The following NRXN3 variants were observed in gnomAD, a reference collection of about 807,000 sequenced individuals.
NRXN3 encodes the protein neurexin III.
Under a neutral mutation model 137.6 loss-of-function variants are expected in NRXN3, and 32 were observed. The observed-to-expected ratio is 0.23, with a 90% CI of 0.18 to 0.31. NRXN3 has a LOEUF of 0.31. Among genes scored for constraint, NRXN3 ranks in the 10% least tolerant of loss-of-function variants. NRXN3 has a pLI of 1.00. For missense variants in NRXN3, 1,574 were observed against 2,062.5 expected, an observed-to-expected ratio of 0.76 and a Z score of 4.59; for synonymous variants, 798 against 784.5, an observed-to-expected ratio of 1.02 and a Z score of -0.29.
chr14:79,183,653 T>C (rs2063192008), intron 15 of NRXN3, among the ~76,000 whole-genome samples: 1 of 152,230 alleles, frequency 6.6e-6, no homozygotes, highest in Non-Finnish European at 1.5e-5. Flanking sequence ...TAATCACAAC[T>C]CTTCTGTTTC....
rs2099418592 is a variant in NRXN3, at chr14:79,867,712, G to A, written c.*5748G>A. ...AAGGTTGAAGTTCCAAAGTATCAAG[G>A]GAATCAGAATTGGGAAGCAATTCTA... On this transcript the variant is annotated 3_prime_UTR_variant, in exon 21 of 21. Coordinates refer to ENST00000335750, the MANE Select transcript of NRXN3 (RefSeq NM_001330195.2). 1 of 152,068 alleles carries A rather than the reference G, an allele frequency of 6.6e-6. No homozygotes were observed. The highest frequency in any genetic ancestry group is 6.6e-5 in the Admixed American group (1 of 15,252). 9.4% of individuals were successfully genotyped at this position (152,068 alleles called of 1,614,324 possible). A position where few individuals can be genotyped will look rare whatever the true frequency, so the allele number is the denominator to read the frequency against.
rs2097652769 is a variant in NRXN3, at chr14:79,575,173, A to G, written c.3445-88605A>G. On this transcript the variant is annotated intron_variant, in intron 16 of 20. Coordinates refer to ENST00000335750, the MANE Select transcript of NRXN3 (RefSeq NM_001330195.2). ...TTAGTATAGGCGGAAAACACCATCA[A>G]TCATAGTCATCACAAAGCAATTAAG... Among the ~76,000 whole-genome samples, 3 of 152,138 alleles carry G rather than the reference A, an allele frequency of 2.0e-5. No homozygotes were observed. In the South Asian group the frequency reaches 6.2e-4, roughly 32 times the overall value.
rs548933839 is a variant in NRXN3 at position 78,222,445 on chromosome 14, C to T, written c.-703-19946C>T. On this transcript the variant is annotated intron_variant, in intron 1 of 20. Transcript: ENST00000335750. ...GTGTTGTAAAGACCAGCCGCCACAT[C>T]GCCTTGAATGAGGCTTTGGGTGCTT... Among the ~76,000 whole-genome samples the T allele has an allele frequency of 9.2e-5, 14 of 152,340 alleles. No individual in the cohort carries two copies. In the East Asian group the frequency reaches 1.7e-3, roughly 19 times the overall value.
At chr14:78,598,466 C>G (rs929710300) in intron 4 of NRXN3, among the ~76,000 whole-genome samples, 2 of 152,140 alleles carry the variant, frequency 1.3e-5, no homozygotes, top group African/African-American at 2.4e-5. Flanking sequence ...CTAGAGTAAC[C>G]CTGTACCAGC....
chr14:78,967,983 C>T (rs970837808), intron 13 of NRXN3, among the ~76,000 whole-genome samples, 190 bp from the exon 14 acceptor site: 1 of 143,252 alleles, frequency 7.0e-6, no homozygotes, highest in Non-Finnish European at 1.5e-5. Context: ...ATGAATGACA[C>T]ATAATAAATA....
rs139937193 is a variant in NRXN3, at chr14:79,088,026, A to G, written c.3262+99885A>G. 3.1e-3 allele frequency among the ~76,000 whole-genome samples: 440 copies of G among 140,528 alleles called. 6 individuals are homozygous for G. Among genetic ancestry groups the G allele is most frequent in the Admixed American group, 4.8e-3 (71 of 14,896 alleles). The allele number at this position is 140,528 out of a possible 152,430, so 92.2% of individuals were successfully genotyped here. A position where few individuals can be genotyped will look rare whatever the true frequency, so the allele number is the denominator to read the frequency against. On this transcript the variant is annotated intron_variant, in intron 15 of 20. Transcript: ENST00000335750. ...GATTGGAAATTGCTCAAAGCTCACA[A>G]TGGTACTTGAAGTAAAAGGATGAAC...
intron 11 of NRXN3, among the ~76,000 whole-genome samples, chr14:78,959,937 G>A (rs2099404916): frequency 6.6e-6 from 1 of 152,014 alleles, no homozygotes; most frequent in African/African-American, 2.4e-5. Flanking sequence ...CATTTTCCCT[G>A]GAAAATAAAT....
intron 15 of NRXN3, among the ~76,000 whole-genome samples, chr14:79,124,880 G>C (rs80154267): frequency 6.6e-6 from 1 of 150,956 alleles, no homozygotes; most frequent in South Asian, 2.1e-4. Context: ...TAAAATAGCT[G>C]TTTTTTTTTC....
chr14:79,706,987 G>A lies in NRXN3; in HGVS notation c.4014+9050G>A, dbSNP rs571484788. The stretch of plus-strand genomic sequence containing the variant: ...CATTCGTTTGTCGCCACCGGACTTC[G>A]GGTACCCTACGGGTGGTGCTGAGGC... On this transcript the variant is annotated intron_variant, in intron 19 of 20. Coordinates refer to ENST00000335750, the MANE Select transcript of NRXN3 (RefSeq NM_001330195.2). 1.6e-4 allele frequency among the ~76,000 whole-genome samples: 24 copies of A among 152,158 alleles called. No individual in the cohort carries two copies. The South Asian group carries it at 4.4e-3, about 28-fold the overall frequency.
chr14:79,205,427 A>G (rs2066651232), intron 15 of NRXN3, among the ~76,000 whole-genome samples: 2 of 152,188 alleles, frequency 1.3e-5, no homozygotes, highest in Admixed American at 1.3e-4. Flanking sequence ...AAGTAGAGCA[A>G]TTTAGATGGA....
chr14:78,985,250 C>T (rs1344285016), intron 14 of NRXN3, among the ~76,000 whole-genome samples: 2 of 152,188 alleles, frequency 1.3e-5, no homozygotes, highest in Non-Finnish European at 2.9e-5. Flanking sequence ...CTTTCTGCAT[C>T]TTCACAATAG....
intron 19 of NRXN3, among the ~76,000 whole-genome samples, chr14:79,760,271 C>G (rs1368684104): frequency 6.6e-6 from 1 of 151,534 alleles, no homozygotes; most frequent in Non-Finnish European, 1.5e-5. Flanking sequence ...AGTCTGAGAA[C>G]ATTTATCTTT....
At chr14:79,260,123 G>T (rs1340723750) in intron 15 of NRXN3, among the ~76,000 whole-genome samples, 1 of 151,966 alleles carries the variant, frequency 6.6e-6, no homozygotes, top group Non-Finnish European at 1.5e-5. Flanking sequence ...TAATATTTTT[G>T]ATATGTACAA....
chr14:79,519,768 CTTTT>C (rs200757761), intron 16 of NRXN3, among the ~76,000 whole-genome samples: 2 of 119,400 alleles, frequency 1.7e-5, no homozygotes, highest in African/African-American at 3.0e-5. Flanking sequence ...AATAGTATTT[CTTTT>C]TTTTTTTTTT....
chr14:79,003,545 C>T (rs1447486018), intron 15 of NRXN3, among the ~76,000 whole-genome samples: 3 of 152,112 alleles, frequency 2.0e-5, no homozygotes, highest in East Asian at 1.9e-4. Flanking sequence ...TAACATGAAA[C>T]GTGAGACCAG....
At chr14:78,454,181 A>G (rs978843852) in intron 4 of NRXN3, among the ~76,000 whole-genome samples, 1 of 152,200 alleles carries the variant, frequency 6.6e-6, no homozygotes, top group African/African-American at 2.4e-5. Context: ...ATAGACTATC[A>G]GGGATACGGA....
intron 4 of NRXN3, among the ~76,000 whole-genome samples, chr14:78,542,031 C>T (rs2096594600): frequency 6.6e-6 from 1 of 152,188 alleles, no homozygotes; most frequent in South Asian, 2.1e-4. Context: ...CTGCCTGATT[C>T]TTCCTCTGGA....
At chr14:79,677,939 G>A (rs576508524) in intron 17 of NRXN3, among the ~76,000 whole-genome samples, 18 of 152,194 alleles carry the variant, frequency 1.2e-4, no homozygotes, top group African/African-American at 3.6e-4. Context: ...TGAACACATA[G>A]GCCAAAACAT....
chr14:79,444,328 C>T (rs2096019267), intron 15 of NRXN3, among the ~76,000 whole-genome samples: 1 of 152,174 alleles, frequency 6.6e-6, no homozygotes, highest in African/African-American at 2.4e-5. Flanking sequence ...TTATGAGTGA[C>T]TTACTTTTGG....
Sources: gnomAD v4.1 joint callset for allele counts (sites outside exome capture counted in the v4.1 genomes callset) on GRCh38, gnomAD v4.1.1 for gene constraint, MANE v1.5 for transcripts, NCBI Gene and HGNC (gene_info 2026-07-23, HGNC 2026-07-21) for gene names.